TLN2: variants seen among roughly 807,000 people sequenced by gnomAD.
The protein encoded by TLN2 is talin-2.
Under a neutral mutation model 294.7 loss-of-function variants are expected in TLN2, and 118 were observed. The ratio of observed to expected loss-of-function variants is 0.40; its 90% confidence interval spans 0.34 to 0.47. TLN2 has a LOEUF of 0.47. Among genes scored for constraint, TLN2 ranks in the 20% least tolerant of loss-of-function variants. The probability of loss-of-function intolerance (pLI) is 0.84; values close to 1 mark genes in which losing one functional copy is unlikely to be tolerated. For synonymous variants in TLN2, 1,431 were observed against 1,304.5 expected, an observed-to-expected ratio of 1.10 and a Z score of -2.09; for missense variants, 3,083 against 3,282.2, an observed-to-expected ratio of 0.94 and a Z score of 1.48.
intron 3 of TLN2, among the ~76,000 whole-genome samples, chr15:62,624,164 T>G (rs2049067251): frequency 6.6e-6 from 1 of 152,228 alleles, no homozygotes; most frequent in Non-Finnish European, 1.5e-5. Context: ...CCAAATTAAC[T>G]CTAACCTTCA....
intron 1 of TLN2, among the ~76,000 whole-genome samples, chr15:62,540,088 C>T (rs2041588762): frequency 6.6e-6 from 1 of 152,070 alleles, no homozygotes; most frequent in South Asian, 2.1e-4. Flanking sequence ...ACCTGTAATC[C>T]CAGCACTTTG....
intron 32 of TLN2, among the ~76,000 whole-genome samples, chr15:62,741,679 T>C (rs1179067041): frequency 6.6e-6 from 1 of 151,636 alleles, no homozygotes; most frequent in African/African-American, 2.4e-5. Flanking sequence ...ATGTGCAGAT[T>C]CGTGATTTTT....
chr15:62,708,010 C>G (rs2059178515), intron 20 of TLN2, among the ~76,000 whole-genome samples: 1 of 152,082 alleles, frequency 6.6e-6, no homozygotes. Context: ...TCGTCTCCCT[C>G]AAGCTTTCAT....
intron 37 of TLN2, among the ~76,000 whole-genome samples, chr15:62,760,991 T>G (rs1011095765): frequency 2.0e-5 from 3 of 152,162 alleles, no homozygotes; most frequent in African/African-American, 7.2e-5. Flanking sequence ...CACCCTAGAT[T>G]AGGAGGGTCA....
At chr15:62,488,820 AT>A (rs2038549435) in intron 1 of TLN2, among the ~76,000 whole-genome samples, 1 of 152,210 alleles carries the variant, frequency 6.6e-6, no homozygotes, top group Non-Finnish European at 1.5e-5. Flanking sequence ...GACAGTAAGA[AT>A]ATGAGCATTC....
At chr15:62,836,743 G>GA (rs1050126544) in intron 57 of TLN2, among the ~76,000 whole-genome samples, 3 of 152,070 alleles carry the variant, frequency 2.0e-5, no homozygotes, top group Non-Finnish European at 2.9e-5. Flanking sequence ...ATGCTTAAAT[G>GA]AAAAAAATCA....
intron 1 of TLN2, among the ~76,000 whole-genome samples, chr15:62,531,819 T>C (rs2041057361): frequency 6.6e-6 from 1 of 152,170 alleles, no homozygotes; most frequent in African/African-American, 2.4e-5. Flanking sequence ...CTAATACTAC[T>C]ATGGATTTGA....
At chr15:62,588,963 C>G (rs968178942) in intron 1 of TLN2, among the ~76,000 whole-genome samples, 3 of 151,496 alleles carry the variant, frequency 2.0e-5, no homozygotes, top group African/African-American at 7.3e-5. Flanking sequence ...GTTTTCTTTC[C>G]TAAATGCTAA....
intron 12 of TLN2, among the ~76,000 whole-genome samples, chr15:62,689,708 CTT>C (rs1412179820): frequency 1.3e-5 from 2 of 151,726 alleles, no homozygotes; most frequent in African/African-American, 4.8e-5. Context: ...CATGCCACTT[CTT>C]TCTTACCTCC....
chr15:62,662,663 T>G (rs1036553136), intron 9 of TLN2, among the ~76,000 whole-genome samples: 1 of 152,032 alleles, frequency 6.6e-6, no homozygotes, highest in Non-Finnish European at 1.5e-5. Flanking sequence ...AAAGACACAG[T>G]CAAACATTTC....
chr15:62,765,163 CT>C (rs1952324534), intron 40 of TLN2, among the ~76,000 whole-genome samples: 1 of 152,000 alleles, frequency 6.6e-6, no homozygotes, highest in Admixed American at 6.6e-5. Context: ...AACAAACCAT[CT>C]GTAATAAGAC....
At chr15:62,783,302 G>C (rs1445972968) in intron 44 of TLN2, among the ~76,000 whole-genome samples, 1 of 152,234 alleles carries the variant, frequency 6.6e-6, no homozygotes, top group Non-Finnish European at 1.5e-5. Flanking sequence ...CTGCTTCAGG[G>C]CACCCAGAGA....
At chr15:62,560,171 T>C (rs2042840752) in intron 1 of TLN2, among the ~76,000 whole-genome samples, 1 of 152,182 alleles carries the variant, frequency 6.6e-6, no homozygotes, top group Non-Finnish European at 1.5e-5. Context: ...ACAAAACACA[T>C]CTCTTACATT....
intron 23 of TLN2, 104 bp from the exon 24 acceptor site, chr15:62,717,471 CT>C: frequency 4.4e-6 from 3 of 677,376 alleles, no homozygotes; most frequent in South Asian, 8.6e-5. Context: ...CTTTGGAGTT[CT>C]TTTAGAGCCA....
At chr15:62,476,902 A>T (rs189198648) in intron 1 of TLN2, among the ~76,000 whole-genome samples, 2 of 152,048 alleles carry the variant, frequency 1.3e-5, no homozygotes, top group Admixed American at 1.3e-4. Flanking sequence ...CCTTGTTTCA[A>T]TGTCTTCCTC....
chr15:62,681,538 C>A (rs1002421637), intron 11 of TLN2, among the ~76,000 whole-genome samples: 1 of 152,076 alleles, frequency 6.6e-6, no homozygotes, highest in Non-Finnish European at 1.5e-5. Context: ...AATTTTATGT[C>A]ATTGTAATAG....
chr15:62,684,366 A>AGAT (rs753719060), intron 11 of TLN2, among the ~76,000 whole-genome samples: 129 of 152,330 alleles, frequency 8.5e-4, no homozygotes, highest in Admixed American at 1.8e-3. Context: ...AGAGCCTATC[A>AGAT]AGCTAAAACT....
At chr15:62,411,967 T>G (rs968305992) in intron 1 of TLN2, among the ~76,000 whole-genome samples, 1 of 152,202 alleles carries the variant, frequency 6.6e-6, no homozygotes, top group African/African-American at 2.4e-5. Context: ...ATCTGAGTAC[T>G]AACTCAAAGT....
intron 1 of TLN2, among the ~76,000 whole-genome samples, chr15:62,576,572 A>C (rs1399188446): frequency 6.7e-6 from 1 of 149,238 alleles, no homozygotes; most frequent in Non-Finnish European, 1.5e-5. Context: ...CCACAGAGAG[A>C]CATGAGTAAG....
Sources: allele counts gnomAD v4.1 joint callset (sites outside exome capture counted in the v4.1 genomes callset), GRCh38; gene constraint gnomAD v4.1.1; transcripts MANE v1.5; gene names NCBI Gene and HGNC (gene_info 2026-07-23, HGNC 2026-07-21).